Variants in STXBP4 observed in about 807,000 individuals in gnomAD.
The protein encoded by STXBP4 is syntaxin-binding protein 4.
In STXBP4, 55 loss-of-function variants were observed where a neutral mutation model predicts 76.1. That is an observed-to-expected ratio of 0.72 (90% CI 0.58 to 0.91). The LOEUF is 0.91. Among genes scored for constraint, STXBP4 ranks in the 40% least tolerant of loss-of-function variants. The pLI, the probability that STXBP4 is intolerant of heterozygous loss-of-function variation, is 0.00. For missense variants in STXBP4, 618 were observed against 636.9 expected (o/e 0.97, Z 0.32); for synonymous variants, 201 against 220.2 (o/e 0.91, Z 0.77).
intron 16 of STXBP4, among the ~76,000 whole-genome samples, chr17:55,110,756 G>A (rs543040993): frequency 4.6e-5 from 7 of 152,248 alleles, no homozygotes; most frequent in African/African-American, 1.2e-4. Context: ...AAGAATAGGC[G>A]GCAGTCCAGA....
At chr17:55,132,073 T>G (rs1293842609) in intron 16 of STXBP4, among the ~76,000 whole-genome samples, 3 of 152,202 alleles carry the variant, frequency 2.0e-5, no homozygotes, top group African/African-American at 7.2e-5. Flanking sequence ...TGAAATAAAT[T>G]AGAGCTCCTC....
At chr17:54,996,608 G>A (rs886124216) in intron 4 of STXBP4, among the ~76,000 whole-genome samples, 4 of 152,082 alleles carry the variant, frequency 2.6e-5, no homozygotes, top group Non-Finnish European at 5.9e-5. Flanking sequence ...GCAACCTTGT[G>A]TTACATATAT....
chr17:54,995,115 G>GT (rs1297552429), intron 4 of STXBP4, among the ~76,000 whole-genome samples: 1 of 152,172 alleles, frequency 6.6e-6, no homozygotes, highest in African/African-American at 2.4e-5. Flanking sequence ...TTTATTCACA[G>GT]TAATATTGTT....
chr17:55,164,971 GT>G lies in STXBP4; in HGVS notation c.*5061del, dbSNP rs2080369086. 6.6e-6 allele frequency: 1 copy of G among 152,126 alleles called. No homozygotes were observed. Among genetic ancestry groups the G allele is most frequent in the South Asian group, 2.1e-4 (1 of 4,814 alleles). 9.4% of individuals were successfully genotyped at this position (152,126 alleles called of 1,614,324 possible). The stretch of plus-strand genomic sequence containing the variant: ...AGATATATGTGTTTCTAGCCCTTGT[GT>G]AATTCGTATTCTATGCAAAGGATAT... On this transcript the variant is annotated 3_prime_UTR_variant, in exon 18 of 18. Coordinates refer to ENST00000376352, the MANE Select transcript of STXBP4 (RefSeq NM_178509.6).
intron 12 of STXBP4, among the ~76,000 whole-genome samples, chr17:55,052,859 A>C (rs955603240): frequency 1.3e-5 from 2 of 148,886 alleles, no homozygotes; most frequent in African/African-American, 4.9e-5. Context: ...ATGTCAGGCA[A>C]GCTCAAAATG....
In STXBP4 at chr17:55,011,848, CT is replaced by C. The variant is rs201520920; in HGVS notation, c.666+4252del. Among the ~76,000 whole-genome samples, 912 of 152,258 alleles carry C rather than the reference CT, an allele frequency of 6.0e-3. 4 individuals carry two copies. The highest frequency in any genetic ancestry group is 0.031 in the Middle Eastern group (9 of 294). On this transcript the variant is annotated intron_variant, in intron 8 of 17. Transcript: ENST00000376352. ...AGCTAGTCCTGTCTCTCAGTCCCCCCTCTCAACAGGAAAACCCAAGTGCCAT... is the reference window on the plus strand; with the variant it reads ...AGCTAGTCCTGTCTCTCAGTCCCCCCCTCAACAGGAAAACCCAAGTGCCAT...
chr17:55,209,475 G>C, the STXBP4 span, among the ~76,000 whole-genome samples: 1 of 152,182 alleles, frequency 6.6e-6, no homozygotes, highest in African/African-American at 2.4e-5. Flanking sequence ...GGGAGTCAGA[G>C]TCAAGCCCTA....
chr17:55,128,678 C>T (rs963593150), intron 16 of STXBP4, among the ~76,000 whole-genome samples: 5 of 152,124 alleles, frequency 3.3e-5, no homozygotes, highest in African/African-American at 4.8e-5. Flanking sequence ...TGCAATGGCA[C>T]GATCTTGGCT....
At position 55,043,159 on chromosome 17, in the gene STXBP4, TC is replaced by T. The variant is rs1471724302; in HGVS notation, c.856-76del. 9.0e-6 allele frequency: 6 copies of T among 665,362 alleles called. No individual in the cohort carries two copies. The Admixed American group carries it at 1.2e-4, about 13-fold the overall frequency. 41.2% of individuals were successfully genotyped at this position (665,362 alleles called of 1,614,324 possible). ...TTAGAATACAGAAGCCTAAGATTAG[TC>T]AAAAATGATTTTTATGTTACCTCTC... On this transcript the variant is annotated intron_variant, in intron 10 of 17. Transcript: ENST00000376352.
intron 8 of STXBP4, among the ~76,000 whole-genome samples, chr17:55,022,092 T>G (rs1298269919): frequency 2.6e-5 from 4 of 152,098 alleles, no homozygotes; most frequent in Admixed American, 1.3e-4. Flanking sequence ...CTTTTTTTTT[T>G]TTCAGTTCTG....
chr17:55,144,027 A>G lies in STXBP4; in HGVS notation c.1547+2660A>G, dbSNP rs906912651. On this transcript the variant is annotated intron_variant, in intron 17 of 17. Transcript: ENST00000376352. ...CCTGCACACACACACACACACACAC[A>G]CACACACACACACACACACACACGC... Among the ~76,000 whole-genome samples the G allele has an allele frequency of 4.0e-5, 6 of 151,638 alleles. No individual in the cohort carries two copies. The East Asian group carries it at 1.2e-3, about 30-fold the overall frequency.
chr17:55,179,617 C>T, the STXBP4 span, among the ~76,000 whole-genome samples: 1 of 152,148 alleles, frequency 6.6e-6, no homozygotes, highest in Admixed American at 6.5e-5. Context: ...AGACCAACCC[C>T]TCCTTTTCCT....
intron 8 of STXBP4, among the ~76,000 whole-genome samples, chr17:55,019,367 A>G (rs930282913): frequency 1.3e-5 from 2 of 152,184 alleles, no homozygotes; most frequent in Admixed American, 1.3e-4. Context: ...TTTAACATGC[A>G]CATTTAACTT....
intron 16 of STXBP4, among the ~76,000 whole-genome samples, chr17:55,124,141 G>A (rs244336): frequency 0.27 from 41,233 of 151,962 alleles, 5,788 homozygotes; most frequent in African/African-American, 0.31. Context: ...GAGGCCCCAT[G>A]ACACCATGAG....
chr17:55,175,476 T>C (rs764364133), downstream of STXBP4, among the ~76,000 whole-genome samples: 1 of 152,194 alleles, frequency 6.6e-6, no homozygotes, highest in Non-Finnish European at 1.5e-5. Flanking sequence ...AATCATTCTC[T>C]TACTGCACCA....
chr17:55,039,622 TAGAA>T (rs2078664029), intron 10 of STXBP4, among the ~76,000 whole-genome samples: 1 of 151,100 alleles, frequency 6.6e-6, no homozygotes, highest in Non-Finnish European at 1.5e-5. Flanking sequence ...GTGGGGAAAA[TAGAA>T]AGGAAAGAAG....
At chr17:55,103,516 T>C (rs2079591209) in intron 16 of STXBP4, among the ~76,000 whole-genome samples, 1 of 152,160 alleles carries the variant, frequency 6.6e-6, no homozygotes, top group Non-Finnish European at 1.5e-5. Flanking sequence ...AGTATTATGC[T>C]GTTTTGGTTA....
At chr17:55,195,443 T>G in the STXBP4 span, among the ~76,000 whole-genome samples, 1 of 152,166 alleles carries the variant, frequency 6.6e-6, no homozygotes, top group African/African-American at 2.4e-5. Flanking sequence ...GCCTTTTAAT[T>G]TTTTAAATTT....
At position 55,059,963 on chromosome 17, in the gene STXBP4, T is replaced by C. The variant is rs180860297; in HGVS notation, c.1011+12809T>C. Among the ~76,000 whole-genome samples the C allele has an allele frequency of 1.3e-3, 204 of 152,194 alleles. 1 individual carries two copies. Among genetic ancestry groups the C allele is most frequent in the Middle Eastern group, 3.4e-3 (1 of 294 alleles). On this transcript the variant is annotated intron_variant, in intron 12 of 17. Coordinates refer to ENST00000376352, the MANE Select transcript of STXBP4 (RefSeq NM_178509.6). The stretch of plus-strand genomic sequence containing the variant: ...TTTAGTGACTGAGAGGCTGTAATGA[T>C]GCAATCAACAAAATAAGATAAATGA...
Sources: gnomAD v4.1 joint callset for allele counts (sites outside exome capture counted in the v4.1 genomes callset) on GRCh38, gnomAD v4.1.1 for gene constraint, MANE v1.5 for transcripts, NCBI Gene and HGNC (gene_info 2026-07-23, HGNC 2026-07-21) for gene names.